The following POLR1A variants were observed in gnomAD, a reference collection of about 807,000 sequenced individuals.
POLR1A encodes the protein DNA-directed RNA polymerase I subunit RPA1.
Under a neutral mutation model 205.3 loss-of-function variants are expected in POLR1A, and 84 were observed. The observed-to-expected ratio is 0.41, with a 90% confidence interval of 0.34 to 0.49. The LOEUF (loss-of-function observed/expected upper bound fraction) is 0.49. POLR1A is among the 20% of genes least tolerant of loss of function. The pLI, the probability that POLR1A is intolerant of heterozygous loss-of-function variation, is 0.22. For synonymous variants in POLR1A, 799 were observed against 863.7 expected (o/e 0.93, Z 1.31); for missense variants, 1,645 against 2,204.5 (o/e 0.75, Z 5.08).
chr2:86,039,699 T>C (rs1272369797), intron 25 of POLR1A, among the ~76,000 whole-genome samples: 1 of 152,220 alleles, frequency 6.6e-6, no homozygotes, highest in African/African-American at 2.4e-5. Flanking sequence ...CTTTGTCTGA[T>C]TCTTGTTTCC....
intron 6 of POLR1A, among the ~76,000 whole-genome samples, chr2:86,088,269 T>C (rs1330426775): frequency 6.6e-6 from 1 of 152,206 alleles, no homozygotes; most frequent in Non-Finnish European, 1.5e-5. Context: ...ATTTGTCAGG[T>C]AAATTTCTTA....
chr2:86,050,374 G>A (rs756524121), intron 16 of POLR1A, among the ~76,000 whole-genome samples: 2 of 152,232 alleles, frequency 1.3e-5, no homozygotes, highest in Non-Finnish European at 2.9e-5. Flanking sequence ...CTAAGAACAT[G>A]TGTGAACAGA....
intron 3 of POLR1A, among the ~76,000 whole-genome samples, chr2:86,094,931 C>G (rs1333661845): frequency 6.6e-6 from 1 of 152,206 alleles, no homozygotes; most frequent in Admixed American, 6.5e-5. Context: ...CATATTTGGG[C>G]TCATACATCC....
chr2:86,094,671 A>G (rs1163495131), intron 3 of POLR1A, among the ~76,000 whole-genome samples: 2 of 152,252 alleles, frequency 1.3e-5, no homozygotes, highest in African/African-American at 2.4e-5. Context: ...TTTTAACAAT[A>G]CAGGATTAAT....
intron 27 of POLR1A, 152 bp from the exon 28 acceptor site, chr2:86,033,939 C>T (rs146176125): frequency 2.1e-6 from 2 of 943,756 alleles, no homozygotes; most frequent in African/African-American, 1.7e-5. Flanking sequence ...TGTCCCTACC[C>T]GCTGTTTTGG....
At chr2:86,072,532 A>G (rs1281063665) in intron 12 of POLR1A, among the ~76,000 whole-genome samples, 1 of 152,246 alleles carries the variant, frequency 6.6e-6, no homozygotes, top group Admixed American at 6.5e-5. Context: ...GCCCTGGAGC[A>G]CAGGGTATTC....
At position 86,023,820 on chromosome 2, in the gene POLR1A, C is replaced by T. The variant is rs970875654; in HGVS notation, c.*3603G>A. The T allele has an allele frequency of 8.0e-5, 12 of 150,632 alleles. No homozygotes were observed. Among genetic ancestry groups the T allele is most frequent in the African/African-American group, 2.9e-4 (12 of 40,826 alleles). The allele number at this position is 150,632 out of a possible 1,614,324, so 9.3% of individuals were successfully genotyped here. A position where few individuals can be genotyped will look rare whatever the true frequency, so the allele number is the denominator to read the frequency against. On this transcript the variant is annotated 3_prime_UTR_variant, in exon 34 of 34. Transcript: ENST00000263857. Reference sequence around the variant, plus strand: ...AGGCTGGAGTGCAGTGGCGCAATCTCGGCTCACTGCAACCTCCACCTCCTG... The same window carrying T: ...AGGCTGGAGTGCAGTGGCGCAATCTTGGCTCACTGCAACCTCCACCTCCTG...
intron 14 of POLR1A, among the ~76,000 whole-genome samples, chr2:86,058,362 G>A (rs1247416331): frequency 6.7e-6 from 1 of 148,676 alleles, no homozygotes; most frequent in Admixed American, 6.7e-5. Context: ...GCCTCCCAAA[G>A]TGCTGGGATT....
chr2:86,071,181 A>AG (rs1209795004), intron 12 of POLR1A, among the ~76,000 whole-genome samples: 1 of 151,314 alleles, frequency 6.6e-6, no homozygotes. Context: ...TGATGAAAAA[A>AG]AAAAACAATT....
chr2:86,035,841 C>T (rs1296822182), intron 27 of POLR1A, among the ~76,000 whole-genome samples: 1 of 152,198 alleles, frequency 6.6e-6, no homozygotes, highest in Non-Finnish European at 1.5e-5. Flanking sequence ...GCCTTCCCTG[C>T]CTCTTTTGGT....
In POLR1A at chr2:86,075,079, T is replaced by C. The variant is rs1673256449; in HGVS notation, c.1562A>G (p.Gln521Arg). 6.2e-7 allele frequency: 1 copy of C among 1,612,252 alleles called. No individual in the cohort carries two copies. Among genetic ancestry groups the C allele is most frequent in the African/African-American group, 1.3e-5 (1 of 74,880 alleles). Residue 521 changes from glutamine (Q) to arginine (R), a missense_variant, in exon 12 of 34, where the codon CAG becomes CGG. Around this residue, in one of 16 missense-constraint regions of POLR1A, gnomAD observed 131 missense variants for 214.5 expected, o/e 0.61. Transcript: ENST00000263857. ...DMTQREAVAK[Q>R]LLTPATGAPK... Reference sequence around the variant, plus strand: ...TGCCCCCGTGGCTGGGGTCAGAAGCTGCTTGGCCACGGCCTCTCGCTGGGT... The same window carrying C: ...TGCCCCCGTGGCTGGGGTCAGAAGCCGCTTGGCCACGGCCTCTCGCTGGGT...
rs1241378469 is a variant in POLR1A, at chr2:86,026,129, A to T, written c.*1294T>A. 1.3e-5 allele frequency: 2 copies of T among 152,364 alleles called. No homozygotes were observed. The highest frequency in any genetic ancestry group is 2.9e-5 in the Non-Finnish European group (2 of 68,142). The allele number at this position is 152,364 out of a possible 1,614,324, so 9.4% of individuals were successfully genotyped here. ...CTCTGCTTCTCCTGGCCACAGGGCC[A>T]GCAGCTAGCTCTGGAAGGAGGTCAC... On this transcript the variant is annotated 3_prime_UTR_variant, in exon 34 of 34. Coordinates refer to ENST00000263857, the MANE Select transcript of POLR1A (RefSeq NM_015425.6).
At chr2:86,078,314 G>A in intron 9 of POLR1A, 30 bp from the exon 10 acceptor site, 1 of 1,542,136 alleles carries the variant, frequency 6.5e-7, no homozygotes, top group East Asian at 2.3e-5. Context: ...AAACAGGGAT[G>A]ATGGAAAAAA....
intron 11 of POLR1A, among the ~76,000 whole-genome samples, chr2:86,077,475 C>T (rs1351258850): frequency 6.6e-5 from 10 of 152,158 alleles, no homozygotes; most frequent in Non-Finnish European, 8.8e-5. Flanking sequence ...ATGCCCCATG[C>T]CCTCTTCCTC....
chr2:86,069,119 AG>A (rs1673132169), intron 13 of POLR1A, among the ~76,000 whole-genome samples: 1 of 152,266 alleles, frequency 6.6e-6, no homozygotes, highest in Non-Finnish European at 1.5e-5. Context: ...GGGTGAAATG[AG>A]GAGCCTCTAA....
Position 86,023,404 on chromosome 2 carries a change from CT to C in POLR1A, c.*4018del, listed in dbSNP as rs1012581397. 1 of 152,174 alleles carries C rather than the reference CT, an allele frequency of 6.6e-6. No individual in the cohort carries two copies. The highest frequency in any genetic ancestry group is 1.5e-5 in the Non-Finnish European group (1 of 68,034). The allele number at this position is 152,174 out of a possible 1,614,324, so 9.4% of individuals were successfully genotyped here. On this transcript the variant is annotated 3_prime_UTR_variant, in exon 34 of 34. Coordinates refer to ENST00000263857, the MANE Select transcript of POLR1A (RefSeq NM_015425.6). ...AGAGCAGTCTGGACTCTGACAGCCC[CT>C]GATTCAGGTGCAAACTAAAAATTTT...
intron 31 of POLR1A, 74 bp downstream of exon 31, chr2:86,030,122 C>A: frequency 1.6e-6 from 2 of 1,245,714 alleles, no homozygotes; most frequent in Non-Finnish European, 2.4e-6. Context: ...GCGAGCCTCC[C>A]AGTGGCTGGG....
rs769581581 is a variant in POLR1A at position 86,032,314 on chromosome 2, G to A, written c.4230C>T (p.Ala1410=). 37 of 1,613,426 alleles carry A rather than the reference G, an allele frequency of 2.3e-5. No individual in the cohort carries two copies. Among genetic ancestry groups the A allele is most frequent in the East Asian group, 1.1e-4 (5 of 44,868 alleles). The change falls in exon 29 of 34, where the codon GCC becomes GCT. Residue 1410 remains alanine (A), a synonymous_variant. Coordinates refer to ENST00000263857, the MANE Select transcript of POLR1A (RefSeq NM_015425.6). The part of the protein sequence containing the change: ...IVDAEAEEGD[A]DASDAKRKEK... ...CCTTGCGTTTGGCATCAGAGGCATC[G>A]GCGTCCCCCTCCTCAGCTTCAGCAT...
At chr2:86,067,433 C>T (rs1485652243) in intron 13 of POLR1A, among the ~76,000 whole-genome samples, 2 of 151,738 alleles carry the variant, frequency 1.3e-5, no homozygotes, top group African/African-American at 4.8e-5. Context: ...AATAAATAAA[C>T]AGAAGGAAAA....
Sources: allele counts gnomAD v4.1 joint callset (sites outside exome capture counted in the v4.1 genomes callset), GRCh38; gene constraint gnomAD v4.1.1; regional missense constraint gnomAD v4.1.1; transcripts MANE v1.5; gene names NCBI Gene and HGNC (gene_info 2026-07-23, HGNC 2026-07-21).